The following CADM2 variants were observed in gnomAD, a reference collection of about 807,000 sequenced individuals.
CADM2 encodes immunoglobulin superfamily member 4D.
Under a neutral mutation model 49.8 loss-of-function variants are expected in CADM2, and 12 were observed. That is an observed-to-expected ratio of 0.24 (90% CI 0.15 to 0.39). The LOEUF (loss-of-function observed/expected upper bound fraction) is 0.39. Among genes scored for constraint, CADM2 ranks in the 10% least tolerant of loss-of-function variants. The pLI is 1.00. For missense variants in CADM2, 378 were observed against 492.3 expected (o/e 0.77, Z 2.20); for synonymous variants, 214 against 175.4 (o/e 1.22, Z -1.74).
intron 1 of CADM2, among the ~76,000 whole-genome samples, chr3:85,054,116 G>A (rs934805799): frequency 6.6e-6 from 1 of 151,798 alleles, no homozygotes; most frequent in Non-Finnish European, 1.5e-5. Flanking sequence ...TATAATAAAG[G>A]TTCTTTGAAT....
intron 2 of CADM2, among the ~76,000 whole-genome samples, chr3:85,766,567 A>G (rs2069665769): frequency 6.6e-6 from 1 of 152,216 alleles, no homozygotes; most frequent in Non-Finnish European, 1.5e-5. Flanking sequence ...TGGAGCAACC[A>G]AGAGACTCCT....
At chr3:85,062,493 G>C (rs376235401) in intron 1 of CADM2, among the ~76,000 whole-genome samples, 36 of 151,864 alleles carry the variant, frequency 2.4e-4, no homozygotes, top group Admixed American at 2.0e-3. Context: ...AACCTGGAAA[G>C]ACTTAAAGGA....
chr3:85,828,448 A>G (rs1374138544), intron 3 of CADM2, among the ~76,000 whole-genome samples: 2 of 152,046 alleles, frequency 1.3e-5, no homozygotes, highest in Non-Finnish European at 2.9e-5. Context: ...TAGGCAGTTC[A>G]TAGATTATAC....
Position 85,383,503 on chromosome 3 carries a change from C to CATATATATATATAT in CADM2, c.62-343007_62-343006insATATATATATATAT, listed in dbSNP as rs1241135851. ...TAATATAATACTTTATACATAAAAC[C>CATATATATATATAT]ATATATATATATGTATATATATATA... On this transcript the variant is annotated intron_variant, in intron 1 of 9. Transcript: ENST00000383699. Among the ~76,000 whole-genome samples, 51 of 109,192 alleles carry CATATATATATATAT rather than the reference C, an allele frequency of 4.7e-4. 3 individuals are homozygous for CATATATATATATAT. Among genetic ancestry groups the CATATATATATATAT allele is most frequent in the Non-Finnish European group, 6.8e-4 (36 of 53,070 alleles). The allele number at this position is 109,192 out of a possible 152,430, so 71.6% of individuals were successfully genotyped here.
At chr3:85,559,689 T>TAC (rs1202968312) in intron 1 of CADM2, among the ~76,000 whole-genome samples, 10 of 47,358 alleles carry the variant, frequency 2.1e-4, no homozygotes, top group Non-Finnish European at 1.8e-4. Flanking sequence ...CACACACACA[T>TAC]ATATATATAT....
chr3:85,085,068 A>G (rs1039574679), intron 1 of CADM2, among the ~76,000 whole-genome samples: 11 of 152,094 alleles, frequency 7.2e-5, no homozygotes, highest in Admixed American at 3.3e-4. Context: ...AATTTTTTTT[A>G]TGGTGAGAAT....
rs2036524262 is a variant in CADM2 at position 85,428,590 on chromosome 3, A to T, written c.62-297932A>T. On this transcript the variant is annotated intron_variant, in intron 1 of 9. Transcript: ENST00000383699. ...TGATATATACATTATACAAAATAAA[A>T]ATAATATTTATTATATAAAATATAT... Among the ~76,000 whole-genome samples, 3 of 146,248 alleles carry T rather than the reference A, an allele frequency of 2.1e-5. No individual in the cohort carries two copies. The Admixed American group carries it at 2.1e-4, about 10-fold the overall frequency.
intron 8 of CADM2, among the ~76,000 whole-genome samples, chr3:86,046,194 T>A (rs992449465): frequency 1.3e-5 from 2 of 152,166 alleles, no homozygotes; most frequent in African/African-American, 4.8e-5. Flanking sequence ...CTAAATTATG[T>A]TTTTATTTTT....
intron 3 of CADM2, among the ~76,000 whole-genome samples, chr3:85,864,510 T>C (rs931224048): frequency 1.3e-5 from 2 of 152,164 alleles, no homozygotes; most frequent in African/African-American, 2.4e-5. Context: ...CTTATCTATA[T>C]GTACTGGAGG....
At chr3:84,979,634 A>G (rs2032042373) in intron 1 of CADM2, among the ~76,000 whole-genome samples, 2 of 152,244 alleles carry the variant, frequency 1.3e-5, no homozygotes, top group South Asian at 4.1e-4. Flanking sequence ...ATAAACTTCA[A>G]TAAATGAAGA....
At chr3:85,867,213 A>G (rs1206925595) in intron 3 of CADM2, among the ~76,000 whole-genome samples, 3 of 152,094 alleles carry the variant, frequency 2.0e-5, no homozygotes, top group African/African-American at 4.8e-5. Context: ...CTTGCCGTCA[A>G]TCACCTTCCT....
rs936126566 is a variant in CADM2 at position 85,450,482 on chromosome 3, C to T, written c.62-276040C>T. 1.9e-4 allele frequency among the ~76,000 whole-genome samples: 29 copies of T among 151,528 alleles called. 1 individual carries two copies. Among genetic ancestry groups the T allele is most frequent in the African/African-American group, 5.1e-4 (21 of 41,270 alleles). On this transcript the variant is annotated intron_variant, in intron 1 of 9. Transcript: ENST00000383699. ...GATATCTACTAAATTGGAACTTTGA[C>T]AGTACAGCATAAATAATAAATAAAT...
chr3:85,982,783 C>T lies in CADM2; in HGVS notation c.970+21136C>T, dbSNP rs924799775. On this transcript the variant is annotated intron_variant, in intron 8 of 9. Coordinates refer to ENST00000383699, the MANE Select transcript of CADM2 (RefSeq NM_001167675.2). ...ATTTATAAGTTTGTGAAAGATGGTT[C>T]AAAATCATGATTAAAAAGGATTCAT... Among the ~76,000 whole-genome samples the T allele has an allele frequency of 1.3e-5, 2 of 151,536 alleles. 1 individual carries two copies. Among genetic ancestry groups the T allele is most frequent in the Admixed American group, 1.3e-4 (2 of 15,118 alleles).
intron 2 of CADM2, among the ~76,000 whole-genome samples, chr3:85,769,777 G>A (rs1222812096): frequency 1.3e-5 from 2 of 150,358 alleles, no homozygotes; most frequent in Admixed American, 6.7e-5. Flanking sequence ...ACAATGCTTG[G>A]TTTTGCGTGA....
chr3:85,243,987 A>G (rs2042591277), intron 1 of CADM2, among the ~76,000 whole-genome samples: 1 of 152,074 alleles, frequency 6.6e-6, no homozygotes, highest in Non-Finnish European at 1.5e-5. Context: ...CCCAACCCCC[A>G]AAGATTTATA....
intron 8 of CADM2, among the ~76,000 whole-genome samples, chr3:85,973,755 A>G (rs1577832214): frequency 6.6e-6 from 1 of 151,802 alleles, no homozygotes; most frequent in African/African-American, 2.4e-5. Flanking sequence ...CTAGTGGGAC[A>G]CACATAACTG....
intron 1 of CADM2, among the ~76,000 whole-genome samples, chr3:85,187,307 T>A (rs913906766): frequency 2.0e-5 from 3 of 152,172 alleles, no homozygotes; most frequent in African/African-American, 7.2e-5. Flanking sequence ...ATTTTAATGA[T>A]TTCTCAATAT....
At chr3:86,008,933 A>G (rs1196925954) in intron 8 of CADM2, among the ~76,000 whole-genome samples, 1 of 151,414 alleles carries the variant, frequency 6.6e-6, no homozygotes, top group Admixed American at 6.6e-5. Flanking sequence ...TTTTCCCCAA[A>G]TGTTCTCTTT....
chr3:85,957,465 AAACT>A (rs952926879), intron 7 of CADM2, among the ~76,000 whole-genome samples: 8 of 151,800 alleles, frequency 5.3e-5, no homozygotes, highest in African/African-American at 1.9e-4. Context: ...AGAAAAAAAC[AAACT>A]GTTTACTACT....
Sources: gnomAD v4.1 joint callset for allele counts (sites outside exome capture counted in the v4.1 genomes callset) on GRCh38, gnomAD v4.1.1 for gene constraint, MANE v1.5 for transcripts, NCBI Gene and HGNC (gene_info 2026-07-23, HGNC 2026-07-21) for gene names.